The following FDX1 variants were observed in gnomAD, a reference collection of about 807,000 sequenced individuals.
FDX1 encodes the protein adrenodoxin, mitochondrial.
FDX1 carries 9 observed loss-of-function variants against 14.9 expected under a neutral mutation model. The observed-to-expected ratio is 0.60, with a 90% CI of 0.36 to 1.05. The LOEUF is 1.05. FDX1 is among the 50% of genes least tolerant of loss of function. The pLI is 0.01. For synonymous variants in FDX1, 92 were observed against 99.4 expected (o/e 0.93, Z 0.44); for missense variants, 204 against 237.2 (o/e 0.86, Z 0.92).
In FDX1 at chr11:110,452,784, A is replaced by T. The variant is rs183599794; in HGVS notation, c.311-4134A>T. Among the ~76,000 whole-genome samples, 19 of 152,334 alleles carry T rather than the reference A, an allele frequency of 1.2e-4. No homozygotes were observed. The East Asian group carries it at 3.5e-3, about 28-fold the overall frequency. ...AGCAAACTATAGATACATGCAACAC[A>T]TTGGATGAATCTCAAAGGCATTGTG... On this transcript the variant is annotated intron_variant, in intron 2 of 3. Transcript: ENST00000260270.
intron 1 of FDX1, among the ~76,000 whole-genome samples, chr11:110,432,110 TATAGAC>T (rs1243338550): frequency 2.0e-5 from 3 of 152,228 alleles, no homozygotes; most frequent in Non-Finnish European, 4.4e-5. Context: ...ACAAAGTTCT[TATAGAC>T]AGACAGAGCA....
Position 110,430,028 on chromosome 11 carries a change from T to C in FDX1, c.-93T>C, listed in dbSNP as rs1946318362. The C allele has an allele frequency of 1.1e-6, 1 of 945,728 alleles. No homozygotes were observed. Among genetic ancestry groups the C allele is most frequent in the South Asian group, 5.3e-5 (1 of 18,708 alleles). The allele number at this position is 945,728 out of a possible 1,614,324, so 58.6% of individuals were successfully genotyped here. On this transcript the variant is annotated 5_prime_UTR_variant, in exon 1 of 4. Coordinates refer to ENST00000260270, the MANE Select transcript of FDX1 (RefSeq NM_004109.5). Reference sequence around the variant, plus strand: ...CGCCCCTCGCCGCGGCCCTCGGGCGTCTGCGCCGCAGCTGCCGCCCCCGCC... The same window carrying C: ...CGCCCCTCGCCGCGGCCCTCGGGCGCCTGCGCCGCAGCTGCCGCCCCCGCC...
At chr11:110,431,070 A>G (rs2846746) in intron 1 of FDX1, among the ~76,000 whole-genome samples, 3 of 152,074 alleles carry the variant, frequency 2.0e-5, no homozygotes, top group Non-Finnish European at 4.4e-5. Context: ...TGTGCCTAGC[A>G]CGTAATGAGG....
At chr11:110,436,083 A>T (rs1236704503) in intron 2 of FDX1, 125 bp downstream of exon 2, 1 of 766,964 alleles carries the variant, frequency 1.3e-6, no homozygotes, top group African/African-American at 1.8e-5. Context: ...AACATTCAGG[A>T]TGTGTTAGTG....
At chr11:110,435,032 G>C (rs972505415) in intron 1 of FDX1, among the ~76,000 whole-genome samples, 1 of 151,968 alleles carries the variant, frequency 6.6e-6, no homozygotes, top group African/African-American at 2.4e-5. Context: ...AGGAGTACAG[G>C]TATGAGCCAC....
chr11:110,450,332 A>T (rs1946478339), intron 2 of FDX1, among the ~76,000 whole-genome samples: 1 of 151,850 alleles, frequency 6.6e-6, no homozygotes, highest in African/African-American at 2.4e-5. Flanking sequence ...CAGGCATTAG[A>T]TTCTCATAAG....
At chr11:110,449,008 T>C (rs1390501055) in intron 2 of FDX1, among the ~76,000 whole-genome samples, 1 of 152,244 alleles carries the variant, frequency 6.6e-6, no homozygotes, top group African/African-American at 2.4e-5. Flanking sequence ...ATGGTGATGA[T>C]ATTTTAAACT....
chr11:110,439,411 G>A (rs1172296887), intron 2 of FDX1, among the ~76,000 whole-genome samples: 1 of 152,074 alleles, frequency 6.6e-6, no homozygotes, highest in African/African-American at 2.4e-5. Context: ...GGTTTCCCAT[G>A]TTGGCCAGGC....
intron 3 of FDX1, among the ~76,000 whole-genome samples, chr11:110,459,499 G>A (rs1404532261): frequency 6.6e-6 from 1 of 152,214 alleles, no homozygotes; most frequent in East Asian, 1.9e-4. Flanking sequence ...AGGCTGCACA[G>A]CTAGTGGGTA....
At chr11:110,442,534 T>C (rs935838094) in intron 2 of FDX1, among the ~76,000 whole-genome samples, 1 of 152,228 alleles carries the variant, frequency 6.6e-6, no homozygotes, top group Admixed American at 6.5e-5. Flanking sequence ...TGCTGGATTT[T>C]GGACTTGCAT....
intron 2 of FDX1, among the ~76,000 whole-genome samples, chr11:110,445,673 T>G (rs766585568): frequency 6.6e-6 from 1 of 152,226 alleles, no homozygotes; most frequent in African/African-American, 2.4e-5. Flanking sequence ...CTGCCTGGGC[T>G]TCTTTCCCAG....
intron 2 of FDX1, among the ~76,000 whole-genome samples, chr11:110,441,280 A>G (rs1946402701): frequency 1.3e-5 from 2 of 152,256 alleles, no homozygotes; most frequent in Admixed American, 1.3e-4. Flanking sequence ...GCTGCTGAAA[A>G]GATACCCCAA....
intron 2 of FDX1, among the ~76,000 whole-genome samples, chr11:110,442,976 A>T (rs1946414251): frequency 6.6e-6 from 1 of 152,074 alleles, no homozygotes; most frequent in South Asian, 2.1e-4. Context: ...TTATAAGGGG[A>T]GGGGGGTTCC....
chr11:110,429,953 G>A lies in FDX1; in HGVS notation c.-168G>A, dbSNP rs1415907813. The A allele has an allele frequency of 7.8e-6, 3 of 387,080 alleles. No individual in the cohort carries two copies. The highest frequency in any genetic ancestry group is 4.2e-5 in the East Asian group (1 of 23,548). 24.0% of individuals were successfully genotyped at this position (387,080 alleles called of 1,614,324 possible). A position where few individuals can be genotyped will look rare whatever the true frequency, so the allele number is the denominator to read the frequency against. On this transcript the variant is annotated 5_prime_UTR_variant, in exon 1 of 4. Transcript: ENST00000260270. ...TTATAGGTCACCCGGAAGGCACGCGGAACCTCGGCGCGGTGCTTCCAGCAG... is the reference window on the plus strand; with the variant it reads ...TTATAGGTCACCCGGAAGGCACGCGAAACCTCGGCGCGGTGCTTCCAGCAG...
At chr11:110,457,171 A>G (rs1946527820) in intron 3 of FDX1, 124 bp downstream of exon 3, 2 of 784,104 alleles carry the variant, frequency 2.6e-6, no homozygotes, top group Admixed American at 2.7e-5. Flanking sequence ...TAACAGTCAC[A>G]GATTTTGAGT....
At chr11:110,456,542 T>TCTTACTC (rs1159426229) in intron 2 of FDX1, among the ~76,000 whole-genome samples, 1 of 127,156 alleles carries the variant, frequency 7.9e-6, no homozygotes, top group Non-Finnish European at 1.6e-5. Flanking sequence ...TGAGACAGAG[T>TCTTACTC]CTTACTCTGT....
intron 2 of FDX1, among the ~76,000 whole-genome samples, chr11:110,451,546 G>T (rs1223664166): frequency 6.6e-6 from 1 of 152,106 alleles, no homozygotes; most frequent in Non-Finnish European, 1.5e-5. Flanking sequence ...CCAAGATTTA[G>T]AACTGGAAAT....
At chr11:110,432,773 G>A (rs1025212734) in intron 1 of FDX1, among the ~76,000 whole-genome samples, 1 of 152,106 alleles carries the variant, frequency 6.6e-6, no homozygotes, top group Admixed American at 6.5e-5. Context: ...CCAGCATAGG[G>A]TCTACATCTT....
In FDX1 at chr11:110,464,713, A is replaced by G. The variant is rs1946582238; in HGVS notation, c.*2245A>G. On this transcript the variant is annotated 3_prime_UTR_variant, in exon 4 of 4. Coordinates refer to ENST00000260270, the MANE Select transcript of FDX1 (RefSeq NM_004109.5). ...TCATTATTCTTGTCTTTGTGTGTGGATTACCTAAACTCTCCTTCCAGAGCT... is the reference window on the plus strand; with the variant it reads ...TCATTATTCTTGTCTTTGTGTGTGGGTTACCTAAACTCTCCTTCCAGAGCT... 1 of 152,178 alleles carries G rather than the reference A, an allele frequency of 6.6e-6. No individual in the cohort carries two copies. The highest frequency in any genetic ancestry group is 2.4e-5 in the African/African-American group (1 of 41,434). The allele number at this position is 152,178 out of a possible 1,614,324, so 9.4% of individuals were successfully genotyped here. A position where few individuals can be genotyped will look rare whatever the true frequency, so the allele number is the denominator to read the frequency against.
Sources: gnomAD v4.1 joint callset for allele counts (sites outside exome capture counted in the v4.1 genomes callset) on GRCh38, gnomAD v4.1.1 for gene constraint, MANE v1.5 for transcripts, NCBI Gene and HGNC (gene_info 2026-07-23, HGNC 2026-07-21) for gene names.